Variants in SNW1 observed in about 807,000 individuals in gnomAD.
The protein encoded by SNW1 is SNW domain containing 1.
Under a neutral mutation model 75.6 loss-of-function variants are expected in SNW1, and 9 were observed. The observed-to-expected ratio is 0.12, with a 90% CI of 0.07 to 0.21. The LOEUF (loss-of-function observed/expected upper bound fraction) is 0.21. Among genes scored for constraint, SNW1 ranks in the 10% least tolerant of loss-of-function variants. The pLI, the probability that SNW1 is intolerant of heterozygous loss-of-function variation, is 1.00. For synonymous variants in SNW1, 200 were observed against 219.1 expected (o/e 0.91, Z 0.77); for missense variants, 409 against 670.9 (o/e 0.61, Z 4.31).
intron 10 of SNW1, among the ~76,000 whole-genome samples, chr14:77,726,511 C>G (rs950574929): frequency 6.6e-6 from 1 of 152,012 alleles, no homozygotes; most frequent in South Asian, 2.1e-4. Context: ...CGATCTTTCA[C>G]TTCTTTGGTT....
At chr14:77,736,618 A>AAATAT (rs1380772282) in intron 6 of SNW1, among the ~76,000 whole-genome samples, 2 of 152,224 alleles carry the variant, frequency 1.3e-5, no homozygotes. Context: ...GACATTTATT[A>AAATAT]GCTATACATA....
intron 3 of SNW1, among the ~76,000 whole-genome samples, chr14:77,741,540 G>A (rs542665256): frequency 1.3e-5 from 2 of 152,120 alleles, no homozygotes; most frequent in Admixed American, 1.3e-4. Flanking sequence ...CACAAAACAC[G>A]TACTACTGAT....
Position 77,731,197 on chromosome 14 carries a change from T to A in SNW1, c.892-68A>T, listed in dbSNP as rs542404306. 3 of 1,511,790 alleles carry A rather than the reference T, an allele frequency of 2.0e-6. No homozygotes were observed. The Admixed American group carries it at 5.8e-5, about 29-fold the overall frequency. 93.6% of individuals were successfully genotyped at this position (1,511,790 alleles called of 1,614,324 possible). A position where few individuals can be genotyped will look rare whatever the true frequency, so the allele number is the denominator to read the frequency against. The stretch of plus-strand genomic sequence containing the variant: ...TAAATATTTATGGCTATCATCCAAC[T>A]CCCTAACATCTGGCTGGTAAGAGCA... On this transcript the variant is annotated intron_variant, in intron 9 of 13. Coordinates refer to ENST00000261531, the MANE Select transcript of SNW1 (RefSeq NM_012245.3).
chr14:77,740,126 A>T, intron 3 of SNW1, among the ~76,000 whole-genome samples: 1 of 115,524 alleles, frequency 8.7e-6, no homozygotes, highest in Non-Finnish European at 1.8e-5. Flanking sequence ...AGAGCAAGAC[A>T]CTGTATATTA....
At chr14:77,740,369 T>C (rs1362206047) in intron 3 of SNW1, among the ~76,000 whole-genome samples, 1 of 152,074 alleles carries the variant, frequency 6.6e-6, no homozygotes, top group South Asian at 2.1e-4. Context: ...TCATACATCA[T>C]TCATTAAAAA....
rs2080833868 is a variant in SNW1, at chr14:77,755,058, G to A, written c.77C>T (p.Ser26Phe). The A allele has an allele frequency of 3.1e-6, 5 of 1,612,964 alleles. No homozygotes were observed. The East Asian group carries it at 1.1e-4, about 36-fold the overall frequency. Residue 26 changes from serine (S) to phenylalanine (F), a missense_variant, in exon 2 of 14, where the codon TCC (serine) becomes TTC (phenylalanine). Physicochemically the swap from Ser to Phe is radical, Grantham distance 155. Transcript: ENST00000261531. ...CAGTGAGGTCTGCCGTGATCTCTGGGATCTTGCCTTTTCTTCAGCCTCAAG... is the reference window on the plus strand; with the variant it reads ...CAGTGAGGTCTGCCGTGATCTCTGGAATCTTGCCTTTTCTTCAGCCTCAAG... ...DQLEAEEKAR[S>F]QRSRQTSLVS... is the part of the protein sequence containing the mutation.
chr14:77,739,269 C>G (rs1490326701), intron 3 of SNW1, among the ~76,000 whole-genome samples: 1 of 152,178 alleles, frequency 6.6e-6, no homozygotes, highest in East Asian at 1.9e-4. Context: ...CCCTTGACCT[C>G]ATGCATTTAA....
At chr14:77,734,855 T>G in intron 8 of SNW1, 92 bp downstream of exon 8, 1 of 809,434 alleles carries the variant, frequency 1.2e-6, no homozygotes, top group Non-Finnish European at 2.0e-6. Context: ...AAACCACGTG[T>G]TGTTTCAACT....
intron 12 of SNW1, chr14:77,720,498 ATTTC>A (rs749418083): frequency 7.1e-6 from 5 of 708,278 alleles, no homozygotes; most frequent in South Asian, 4.4e-5. Context: ...TAATCACCTA[ATTTC>A]TTTCTTCTCC....
Position 77,731,136 on chromosome 14 carries a change from G to A in SNW1, c.892-7C>T, listed in dbSNP as rs1447160453. The A allele has an allele frequency of 1.9e-6, 3 of 1,612,900 alleles. No individual in the cohort carries two copies. The highest frequency in any genetic ancestry group is 2.2e-5 in the South Asian group (2 of 90,884). ...TTTCCACAGCTTCACGAGCCTGTTGGTAAAGTCACATGTTAAACAGGACAC... is the reference window on the plus strand; with the variant it reads ...TTTCCACAGCTTCACGAGCCTGTTGATAAAGTCACATGTTAAACAGGACAC... On this transcript the variant is annotated splice_polypyrimidine_tract_variant and splice_region_variant and intron_variant, in intron 9 of 13. Transcript: ENST00000261531.
At chr14:77,735,521 G>C (rs533975662) in intron 7 of SNW1, among the ~76,000 whole-genome samples, 15 of 152,312 alleles carry the variant, frequency 9.8e-5, no homozygotes, top group Admixed American at 7.8e-4. Flanking sequence ...GACTTCAGGT[G>C]ATCTGCCCGC....
intron 4 of SNW1, 40 bp from the exon 5 acceptor site, chr14:77,738,924 T>A (rs1384386367): frequency 1.2e-6 from 2 of 1,609,528 alleles, no homozygotes; most frequent in Admixed American, 3.3e-5. Flanking sequence ...TGGAAGTTAA[T>A]CAGGATGTAA....
chr14:77,737,638 T>C (rs953667174), intron 5 of SNW1, among the ~76,000 whole-genome samples: 2 of 152,190 alleles, frequency 1.3e-5, no homozygotes, highest in Non-Finnish European at 2.9e-5. Flanking sequence ...ATAATAATTG[T>C]GATTTAGGTC....
chr14:77,718,783 C>T (rs1272025836), intron 12 of SNW1, among the ~76,000 whole-genome samples: 1 of 151,226 alleles, frequency 6.6e-6, no homozygotes, highest in East Asian at 1.9e-4. Flanking sequence ...GTGATCTTGG[C>T]TCACTGCAGC....
At chr14:77,738,005 A>AAG (rs1184277786) in intron 5 of SNW1, among the ~76,000 whole-genome samples, 17 of 150,840 alleles carry the variant, frequency 1.1e-4, no homozygotes, top group African/African-American at 3.9e-4. Flanking sequence ...AAAAAAAAAA[A>AAG]AAAAAGAAAA....
At position 77,736,958 on chromosome 14, in the gene SNW1, C is replaced by A; in HGVS notation, c.638+13G>T. The A allele has an allele frequency of 6.4e-7, 1 of 1,564,884 alleles. No individual in the cohort carries two copies. Among genetic ancestry groups the A allele is most frequent in the Non-Finnish European group, 8.8e-7 (1 of 1,135,080 alleles). The stretch of plus-strand genomic sequence containing the variant: ...TTATTGTGTGTATTAGTAGCCTATT[C>A]CTTTTCACTTACTTGAACCTTGGAG... On this transcript the variant is annotated intron_variant, in intron 6 of 13. Transcript: ENST00000261531.
At chr14:77,747,719 C>T (rs1047871417) in intron 3 of SNW1, among the ~76,000 whole-genome samples, 8 of 146,942 alleles carry the variant, frequency 5.4e-5, no homozygotes, top group African/African-American at 1.6e-4. Context: ...GGGCAGCCCC[C>T]GCCCCGGCAG....
In SNW1 at chr14:77,718,450, C is replaced by T. The variant is rs779132565; in HGVS notation, c.1329G>A (p.Met443Ile). The stretch of plus-strand genomic sequence containing the variant: ...TACTGGGCCTATAAATACTCTGGGC[C>T]ATATCTTTACCACCTCTCCAGGCTT... ...YDQAWRGGKD[M>I]AQSIYRPSKN... Residue 443 changes from methionine (M) to isoleucine (I), a missense_variant, in exon 13 of 14, where the codon ATG becomes ATA. Transcript: ENST00000261531. 12 of 1,614,026 alleles carry T rather than the reference C, an allele frequency of 7.4e-6. No individual in the cohort carries two copies. In the South Asian group the frequency reaches 9.9e-5, roughly 13 times the overall value.
chr14:77,747,471 G>T (rs543983363), intron 3 of SNW1, among the ~76,000 whole-genome samples: 3 of 151,878 alleles, frequency 2.0e-5, no homozygotes, highest in South Asian at 2.1e-4. Context: ...TAGGAAGTGA[G>T]GAGCGTCTCT....
Sources: allele counts gnomAD v4.1 joint callset (sites outside exome capture counted in the v4.1 genomes callset), GRCh38; gene constraint gnomAD v4.1.1; transcripts MANE v1.5; gene names NCBI Gene and HGNC (gene_info 2026-07-23, HGNC 2026-07-21).